The following ABLIM2 variants were observed in gnomAD, a reference collection of about 807,000 sequenced individuals.
ABLIM2 encodes the protein actin-binding LIM protein 2.
A neutral mutation model predicts 97.7 loss-of-function variants in ABLIM2; 53 were observed. The ratio of observed to expected loss-of-function variants is 0.54; its 90% CI spans 0.44 to 0.68. ABLIM2 has a LOEUF of 0.68. Ranked by LOEUF, ABLIM2 falls within the 30% of genes least tolerant of loss-of-function variation. ABLIM2 has a pLI of 0.00. For synonymous variants in ABLIM2, 361 were observed against 345.8 expected, an observed-to-expected ratio of 1.04 and a Z score of -0.49; for missense variants, 835 against 867.2, an observed-to-expected ratio of 0.96 and a Z score of 0.47.
intron 8 of ABLIM2, among the ~76,000 whole-genome samples, chr4:8,047,940 G>A (rs893707146): frequency 2.6e-5 from 4 of 152,210 alleles, no homozygotes; most frequent in Admixed American, 6.5e-5. Flanking sequence ...CTCTGAAGCC[G>A]AGCACACCAA....
rs533832168 is a variant in ABLIM2, at chr4:8,055,054, T to G, written c.764-808A>C. ...ACCCCAAGTCTTTGTTTTTGTTTTT[T>G]TTTTTTCCACCTAAGAATAGAGCTA... is the stretch of plus-strand genomic sequence containing the variant. On this transcript the variant is annotated intron_variant, in intron 7 of 20. Coordinates refer to ENST00000447017, the MANE Select transcript of ABLIM2 (RefSeq NM_001130083.2). Among the ~76,000 whole-genome samples the G allele has an allele frequency of 1.2e-4, 18 of 151,820 alleles. 1 individual carries two copies. Among genetic ancestry groups the G allele is most frequent in the Middle Eastern group, 3.4e-3 (1 of 294 alleles).
chr4:8,030,904 G>A (rs73092352), intron 10 of ABLIM2, among the ~76,000 whole-genome samples: 1,788 of 152,272 alleles, frequency 0.012, 36 homozygotes, highest in African/African-American at 0.04. Flanking sequence ...TCTGCAGGTG[G>A]GCCATGTTCT....
intron 14 of ABLIM2, among the ~76,000 whole-genome samples, chr4:8,012,908 C>T (rs942166647): frequency 1.3e-5 from 2 of 152,210 alleles, no homozygotes; most frequent in African/African-American, 2.4e-5. Context: ...AGTCCATCTA[C>T]CCTCTGTTCA....
chr4:8,055,415 C>A (rs1422754951), intron 7 of ABLIM2, among the ~76,000 whole-genome samples: 1 of 151,008 alleles, frequency 6.6e-6, no homozygotes, highest in Non-Finnish European at 1.5e-5. Flanking sequence ...GCCTGACCCG[C>A]CACTCCCTGC....
In ABLIM2 at chr4:8,138,518, A is replaced by C. The variant is rs187297849; in HGVS notation, c.10+20162T>G. Among the ~76,000 whole-genome samples the C allele has an allele frequency of 5.2e-3, 792 of 152,318 alleles. 3 individuals are homozygous for C. Among genetic ancestry groups the C allele is most frequent in the Middle Eastern group, 0.017 (5 of 294 alleles). On this transcript the variant is annotated intron_variant, in intron 1 of 20. Transcript: ENST00000447017. ...AACAGCATGGTACTGGTACAAAAAC[A>C]GACTCACAGACCAATGGAACAGAAT...
rs1043683747 is a variant in ABLIM2, at chr4:7,998,096, G to A, written c.1619-5169C>T. Reference sequence around the variant, plus strand: ...GGGTTTCTCCATGTTGATCGGGCTCGTCTTCAACTCCTGATCTCAGGTGAT... The same window carrying A: ...GGGTTTCTCCATGTTGATCGGGCTCATCTTCAACTCCTGATCTCAGGTGAT... On this transcript the variant is annotated intron_variant, in intron 16 of 20. Coordinates refer to ENST00000447017, the MANE Select transcript of ABLIM2 (RefSeq NM_001130083.2). This position sits in a 1 kb window ranked among gnomAD's most constrained non-coding sequence, Gnocchi z 6.4. Among the ~76,000 whole-genome samples the A allele has an allele frequency of 6.6e-6, 1 of 151,900 alleles. No homozygotes were observed. Among genetic ancestry groups the A allele is most frequent in the Non-Finnish European group, 1.5e-5 (1 of 67,982 alleles).
intron 16 of ABLIM2, chr4:8,006,905 A>T: frequency 3.4e-6 from 2 of 583,178 alleles, no homozygotes; most frequent in Non-Finnish European, 4.3e-6. Flanking sequence ...CCATGGTGAC[A>T]TCAGCCTTGT....
At position 8,127,500 on chromosome 4, in the gene ABLIM2, G is replaced by C; in HGVS notation, c.11-20863C>G. 7.8e-7 allele frequency: 1 copy of C among 1,289,426 alleles called. No individual in the cohort carries two copies. The highest frequency in any genetic ancestry group is 1.0e-6 in the Non-Finnish European group (1 of 988,632). 79.9% of individuals were successfully genotyped at this position (1,289,426 alleles called of 1,614,324 possible). A position where few individuals can be genotyped will look rare whatever the true frequency, so the allele number is the denominator to read the frequency against. ...CCTGAAGCTGACTCATGGAGCTCAC[G>C]GCTCCCAGCCGGATGGTCTGGGCAA... On this transcript the variant is annotated intron_variant, in intron 1 of 20. Coordinates refer to ENST00000447017, the MANE Select transcript of ABLIM2 (RefSeq NM_001130083.2). This position sits in a 1 kb window ranked among gnomAD's most constrained non-coding sequence, Gnocchi z 7.3.
In ABLIM2 at chr4:8,132,136, G is replaced by A. The variant is rs1259649749; in HGVS notation, c.11-25499C>T. ...GGGATGGCTCAAGTGGCACAGGAAC[G>A]ACCTGGTTGGAAAGGAAACAGCGTA... On this transcript the variant is annotated intron_variant, in intron 1 of 20. Coordinates refer to ENST00000447017, the MANE Select transcript of ABLIM2 (RefSeq NM_001130083.2). This position sits in a 1 kb window ranked among gnomAD's most constrained non-coding sequence, Gnocchi z 8.0. Among the ~76,000 whole-genome samples the A allele has an allele frequency of 6.6e-6, 1 of 151,912 alleles. No homozygotes were observed. The highest frequency in any genetic ancestry group is 1.5e-5 in the Non-Finnish European group (1 of 67,984).
At chr4:7,967,386 A>C (rs1355886614) in intron 20 of ABLIM2, among the ~76,000 whole-genome samples, 1 of 152,208 alleles carries the variant, frequency 6.6e-6, no homozygotes, top group Non-Finnish European at 1.5e-5. Context: ...GCTGTGGACC[A>C]AGTTCATTAA....
In ABLIM2 at chr4:7,966,885, C is replaced by CCCGGG; in HGVS notation, c.*104_*105insCCCGG. ...GACCCCCTCCCGCCCACCCCATGGA[C>CCCGGG]ACAGAGAAGCCAGAGCAAGGTGTGT... On this transcript the variant is annotated 3_prime_UTR_variant, in exon 21 of 21. Transcript: ENST00000447017. 2 of 317,768 alleles carry CCCGGG rather than the reference C, an allele frequency of 6.3e-6. No individual in the cohort carries two copies. The highest frequency in any genetic ancestry group is 1.2e-5 in the Non-Finnish European group (2 of 172,994). The allele number at this position is 317,768 out of a possible 1,614,324, so 19.7% of individuals were successfully genotyped here.
At chr4:8,028,383 T>G (rs1049491892) in intron 11 of ABLIM2, among the ~76,000 whole-genome samples, 30 of 152,170 alleles carry the variant, frequency 2.0e-4, no homozygotes, top group Non-Finnish European at 4.1e-4. Flanking sequence ...GCTCACCTGC[T>G]CACTCACTCA....
chr4:8,151,795 A>AG (rs1578555687), intron 1 of ABLIM2, among the ~76,000 whole-genome samples: 1 of 111,838 alleles, frequency 8.9e-6, no homozygotes, highest in South Asian at 3.0e-4. Context: ...CTGTGTAAGC[A>AG]GGGGGAGAGG....
At position 8,048,659 on chromosome 4, in the gene ABLIM2, C is replaced by A. The variant is rs1238081616; in HGVS notation, c.823-3418G>T. ...CGGCCCCGCGTTTGGTCTCCACAAG[C>A]CTGTTTCCTCGTTCCTCAATGGCCC... is the stretch of plus-strand genomic sequence containing the variant. On this transcript the variant is annotated intron_variant, in intron 8 of 20. Coordinates refer to ENST00000447017, the MANE Select transcript of ABLIM2 (RefSeq NM_001130083.2). Among the ~76,000 whole-genome samples, 5 of 152,204 alleles carry A rather than the reference C, an allele frequency of 3.3e-5. No individual in the cohort carries two copies. In the East Asian group the frequency reaches 7.7e-4, roughly 23 times the overall value.
In ABLIM2 at chr4:8,082,741, G is replaced by GGAATGAAT. The variant is rs1357131539; in HGVS notation, c.455-1947_455-1940dup. On this transcript the variant is annotated intron_variant, in intron 4 of 20. Coordinates refer to ENST00000447017, the MANE Select transcript of ABLIM2 (RefSeq NM_001130083.2). The surrounding 1 kb of genome is among the most constrained non-coding windows in gnomAD (Gnocchi z 5.6). ...GGCTGTGGGCTTGAGAAACACGTGG[G>GGAATGAAT]GAATGAATGAATGAATGAATGGGAA... Among the ~76,000 whole-genome samples the GGAATGAAT allele has an allele frequency of 6.6e-6, 1 of 152,232 alleles. No homozygotes were observed. Among genetic ancestry groups the GGAATGAAT allele is most frequent in the South Asian group, 2.1e-4 (1 of 4,824 alleles).
intron 1 of ABLIM2, among the ~76,000 whole-genome samples, chr4:8,118,726 C>G (rs568742117): frequency 2.0e-5 from 3 of 152,290 alleles, no homozygotes; most frequent in African/African-American, 7.2e-5. Context: ...GCCTGGGCTC[C>G]CACCATTCCT....
chr4:8,145,888 TG>T (rs1480115878), intron 1 of ABLIM2, among the ~76,000 whole-genome samples: 3 of 151,594 alleles, frequency 2.0e-5, no homozygotes, highest in African/African-American at 7.3e-5. Context: ...CAAGAGGACC[TG>T]GCCAGCCGCC....
chr4:7,983,754 A>T (rs1005364937), intron 18 of ABLIM2, among the ~76,000 whole-genome samples, 200 bp from the exon 19 acceptor site: 4 of 152,186 alleles, frequency 2.6e-5, no homozygotes, highest in Admixed American at 6.5e-5. Context: ...TCCCCCGGGA[A>T]ACCAGAGCAG....
At position 8,095,093 on chromosome 4, in the gene ABLIM2, TC is replaced by T. The variant is rs1166073502; in HGVS notation, c.338+2005del. The stretch of plus-strand genomic sequence containing the variant: ...TTCTTTCTCTCTCTCTCTCTTTCTT[TC>T]TTTCTCTTTCCTTTTCTTTCTTTTC... On this transcript the variant is annotated intron_variant, in intron 3 of 20. Coordinates refer to ENST00000447017, the MANE Select transcript of ABLIM2 (RefSeq NM_001130083.2). The surrounding 1 kb of genome is among the most constrained non-coding windows in gnomAD (Gnocchi z 4.7). Among the ~76,000 whole-genome samples, 4 of 151,560 alleles carry T rather than the reference TC, an allele frequency of 2.6e-5. No homozygotes were observed. In the East Asian group the frequency reaches 5.8e-4, roughly 22 times the overall value.
Sources: gnomAD v4.1 joint callset for allele counts (sites outside exome capture counted in the v4.1 genomes callset) on GRCh38, gnomAD v4.1.1 for gene constraint, Gnocchi (gnomAD v3.1) non-coding constraint, MANE v1.5 for transcripts, NCBI Gene and HGNC (gene_info 2026-07-23, HGNC 2026-07-21) for gene names.